CFAP57: variants seen among roughly 807,000 people sequenced by gnomAD.
CFAP57 encodes cilia- and flagella-associated protein 57.
In CFAP57, 116 loss-of-function variants were observed where a neutral mutation model predicts 146.8. The ratio of observed to expected loss-of-function variants is 0.79; its 90% confidence interval spans 0.68 to 0.92. The LOEUF (loss-of-function observed/expected upper bound fraction) is 0.92, where lower values mean the gene tolerates loss of function less well. CFAP57 is among the 40% of genes least tolerant of loss of function. The probability of loss-of-function intolerance (pLI) is 0.00; values close to 1 mark genes in which losing one functional copy is unlikely to be tolerated. For synonymous variants in CFAP57, 518 were observed against 552.8 expected, an observed-to-expected ratio of 0.94 and a Z score of 0.88; for missense variants, 1,377 against 1,527.2, an observed-to-expected ratio of 0.90 and a Z score of 1.64.
At chr1:43,197,280 C>T (rs1331325870) in intron 6 of CFAP57, among the ~76,000 whole-genome samples, 3 of 152,142 alleles carry the variant, frequency 2.0e-5, no homozygotes, top group African/African-American at 4.8e-5. Flanking sequence ...TGGTGTGAAC[C>T]CGGGAGGCGG....
intron 5 of CFAP57, 51 bp downstream of exon 5, chr1:43,185,407 G>A (rs149570707): frequency 0.011 from 17,015 of 1,553,324 alleles, 137 homozygotes; most frequent in Non-Finnish European, 0.014. Flanking sequence ...ATTGGCATTT[G>A]TTCCCCAGCA....
intron 15 of CFAP57, 146 bp downstream of exon 15, chr1:43,222,441 A>C: frequency 1.5e-6 from 1 of 675,608 alleles, no homozygotes; most frequent in Non-Finnish European, 2.2e-6. Flanking sequence ...CTTATATCAA[A>C]TGGGAGAGAC....
At position 43,206,867 on chromosome 1, in the gene CFAP57, CCCGA is replaced by C; in HGVS notation, c.1691_1694del (p.Pro564LeufsTer21). The C allele has an allele frequency of 6.2e-7, 1 of 1,614,160 alleles. No homozygotes were observed. Among genetic ancestry groups the C allele is most frequent in the Admixed American group, 1.7e-5 (1 of 60,010 alleles). On this transcript the variant is annotated frameshift_variant, in exon 10 of 23. Coordinates refer to ENST00000372492, the MANE Select transcript of CFAP57 (RefSeq NM_001378189.1). LOFTEE classifies it high-confidence loss of function. ...CAGCTACAACTGTGTTACTGTCTCC[CCCGA>C]TGCCAAAATTATCTTTGCTGTTGGA...
At position 43,251,048 on chromosome 1, in the gene CFAP57, C is replaced by T. The variant is rs952355013; in HGVS notation, c.3539-2929C>T. 1.0e-3 allele frequency among the ~76,000 whole-genome samples: 158 copies of T among 152,322 alleles called. 1 individual carries two copies. The highest frequency in any genetic ancestry group is 1.7e-3 in the Non-Finnish European group (114 of 68,034). On this transcript the variant is annotated intron_variant, in intron 22 of 22. Coordinates refer to ENST00000372492, the MANE Select transcript of CFAP57 (RefSeq NM_001378189.1). ...GCAGGGCCAGAGAGAGACGGAAATT[C>T]ACCTCCAGCCAAAATTAGGTGGGCA...
Position 43,186,826 on chromosome 1 carries a change from C to T in CFAP57, c.1089C>T (p.Tyr363=), listed in dbSNP as rs764022111. ...LVASTSKNQL[Y]SITMSLTEIS... ...CCAGCACCAGTAAGAACCAACTCTA[C>T]AGCATCACCATGTCCCTGACAGAGA... is the stretch of plus-strand genomic sequence containing the variant. The change falls in exon 6 of 23, where the codon TAC becomes TAT. Residue 363 remains tyrosine, a synonymous_variant. Coordinates refer to ENST00000372492, the MANE Select transcript of CFAP57 (RefSeq NM_001378189.1). 2.5e-6 allele frequency: 4 copies of T among 1,614,022 alleles called. No individual in the cohort carries two copies. The African/African-American group carries it at 4.0e-5, about 16-fold the overall frequency.
chr1:43,174,675 G>A (rs1424692899), intron 2 of CFAP57, among the ~76,000 whole-genome samples: 2 of 152,166 alleles, frequency 1.3e-5, no homozygotes, highest in Admixed American at 1.3e-4. Flanking sequence ...AATCAGCTGG[G>A]CGTGGTGGCA....
intron 9 of CFAP57, 92 bp from the exon 10 acceptor site, chr1:43,206,628 C>A: frequency 7.7e-7 from 1 of 1,293,936 alleles, no homozygotes; most frequent in Non-Finnish European, 1.1e-6. Context: ...TCTGCTCAGT[C>A]TAGTGGAGCA....
At chr1:43,208,489 T>C (rs1171199561) in intron 10 of CFAP57, among the ~76,000 whole-genome samples, 3 of 152,168 alleles carry the variant, frequency 2.0e-5, no homozygotes, top group Non-Finnish European at 2.9e-5. Context: ...TTCATGTCCT[T>C]TGTAGGGACG....
At chr1:43,210,011 T>C in intron 11 of CFAP57, 95 bp downstream of exon 11, 3 of 1,613,344 alleles carry the variant, frequency 1.9e-6, no homozygotes, top group Non-Finnish European at 2.5e-6. Context: ...TTCTCTCTCC[T>C]TCTTCTCTCT....
intron 16 of CFAP57, among the ~76,000 whole-genome samples, chr1:43,223,824 T>G (rs1315739664): frequency 6.6e-6 from 1 of 152,150 alleles, no homozygotes; most frequent in Non-Finnish European, 1.5e-5. Context: ...GCCTGGATGT[T>G]ATGGGACAGA....
In CFAP57 at chr1:43,172,864, C is replaced by T; in HGVS notation, c.111C>T (p.His37=). Residue 37 remains histidine, a synonymous_variant, in exon 2 of 23, where the codon CAC becomes CAT. Transcript: ENST00000372492. ...TCATTATATTTCCTTCAGGAAATCACTGTGTGAAGTACAATGTGGATCAGA... is the reference window on the plus strand; with the variant it reads ...TCATTATATTTCCTTCAGGAAATCATTGTGTGAAGTACAATGTGGATCAGA... ...EQIIIFPSGN[H]CVKYNVDQKW... 1 of 1,614,062 alleles carries T rather than the reference C, an allele frequency of 6.2e-7. No homozygotes were observed. The highest frequency in any genetic ancestry group is 8.5e-7 in the Non-Finnish European group (1 of 1,179,918).
rs1169792416 is a variant in CFAP57, at chr1:43,172,459, A to C, written c.-20+6A>C. 4 of 1,508,314 alleles carry C rather than the reference A, an allele frequency of 2.7e-6. No homozygotes were observed. In the Admixed American group the frequency reaches 6.1e-5, roughly 23 times the overall value. The allele number at this position is 1,508,314 out of a possible 1,614,324, so 93.4% of individuals were successfully genotyped here. A position where few individuals can be genotyped will look rare whatever the true frequency, so the allele number is the denominator to read the frequency against. On this transcript the variant is annotated splice_donor_region_variant and intron_variant, in intron 1 of 22. Transcript: ENST00000372492. The stretch of plus-strand genomic sequence containing the variant: ...GACCCAGAGAGAAACGAAAGGTGGG[A>C]GGGGGTACCTGGGGGTCGCCAGAAG...
At chr1:43,225,377 G>A (rs898836244) in intron 17 of CFAP57, among the ~76,000 whole-genome samples, 1 of 152,188 alleles carries the variant, frequency 6.6e-6, no homozygotes, top group African/African-American at 2.4e-5. Flanking sequence ...CTGTCTCAAC[G>A]AATCAACACC....
intron 6 of CFAP57, among the ~76,000 whole-genome samples, chr1:43,192,329 G>A (rs192654676): frequency 8.7e-4 from 133 of 152,184 alleles, no homozygotes; most frequent in African/African-American, 3.2e-3. Flanking sequence ...TTTGAAAGTG[G>A]TGTATTGCAT....
intron 22 of CFAP57, among the ~76,000 whole-genome samples, chr1:43,248,348 C>T (rs1273362534): frequency 1.4e-5 from 2 of 144,338 alleles, no homozygotes; most frequent in East Asian, 2.1e-4. Context: ...GACAGAGTCT[C>T]GCTCTGTCGC....
chr1:43,214,450 T>G (rs1049170198), intron 11 of CFAP57, among the ~76,000 whole-genome samples: 16 of 152,184 alleles, frequency 1.1e-4, no homozygotes. Context: ...CAATCATAGT[T>G]TATTCCCTTT....
intron 10 of CFAP57, 47 bp from the exon 11 acceptor site, chr1:43,209,696 G>A: frequency 6.4e-7 from 1 of 1,572,312 alleles, no homozygotes; most frequent in Middle Eastern, 1.7e-4. Context: ...GGGACGTGGG[G>A]GCCACAGCTC....
At chr1:43,207,278 G>T (rs531660277) in intron 10 of CFAP57, among the ~76,000 whole-genome samples, 2 of 152,322 alleles carry the variant, frequency 1.3e-5, no homozygotes, top group South Asian at 4.1e-4. Flanking sequence ...CATTCCTGGG[G>T]TAAAAACCTA....
Position 43,226,995 on chromosome 1 carries a change from T to C in CFAP57, c.2878T>C (p.Tyr960His), listed in dbSNP as rs1645270521. ...ATCTCACCCCCAGGAGAAGCGAATTTATGATCTGAAAAAGAAAAATCAAGA... is the reference window on the plus strand; with the variant it reads ...ATCTCACCCCCAGGAGAAGCGAATTCATGATCTGAAAAAGAAAAATCAAGA... ...ETIQDKEKRIYDLKKKNQELG... is the reference protein window; with the variant it reads ...ETIQDKEKRIHDLKKKNQELG... The change falls in exon 18 of 23, where the codon TAT becomes CAT. Residue 960 changes from tyrosine (Y) to histidine (H), a missense_variant. Transcript: ENST00000372492. The C allele has an allele frequency of 1.3e-6, 2 of 1,518,114 alleles. No homozygotes were observed. The highest frequency in any genetic ancestry group is 2.2e-5 in the Admixed American group (1 of 45,422). 94.0% of individuals were successfully genotyped at this position (1,518,114 alleles called of 1,614,324 possible). A position where few individuals can be genotyped will look rare whatever the true frequency, so the allele number is the denominator to read the frequency against.
Sources: gnomAD v4.1 joint callset for allele counts (sites outside exome capture counted in the v4.1 genomes callset) on GRCh38, gnomAD v4.1.1 for gene constraint, MANE v1.5 for transcripts, NCBI Gene and HGNC (gene_info 2026-07-23, HGNC 2026-07-21) for gene names.